DNAH11: variants seen among roughly 807,000 people sequenced by gnomAD.
DNAH11 encodes the protein dynein axonemal heavy chain 11.
Under a neutral mutation model 526.0 loss-of-function variants are expected in DNAH11, and 442 were observed. The ratio of observed to expected loss-of-function variants is 0.84; its 90% CI spans 0.78 to 0.91. The LOEUF is 0.91. Among genes scored for constraint, DNAH11 ranks in the 40% least tolerant of loss-of-function variants. DNAH11 has a pLI of 0.00. For synonymous variants in DNAH11, 2,461 were observed against 1,935.9 expected, an observed-to-expected ratio of 1.27 and a Z score of -7.12; for missense variants, 6,989 against 5,448.7, an observed-to-expected ratio of 1.28 and a Z score of -8.90.
chr7:21,899,993 G>T lies in DNAH11; in HGVS notation c.13176G>T (p.Thr4392=), dbSNP rs79449551. The T allele has an allele frequency of 1.2e-6, 2 of 1,613,794 alleles. No homozygotes were observed. Among genetic ancestry groups the T allele is most frequent in the South Asian group, 1.1e-5 (1 of 91,064 alleles). Residue 4392 remains threonine (T), a synonymous_variant, in exon 81 of 82, where the codon ACG becomes ACT. Coordinates refer to ENST00000409508, the MANE Select transcript of DNAH11 (RefSeq NM_001277115.2). ...ATATTTCCAAAGCAATCATGCAGAC[G>T]ATGGCTCGAAAAAATGAGTGGCCCC... The part of the protein sequence containing the change: ...PQSFLTAIMQ[T]MARKNEWPLD...
At chr7:21,879,466 CAAAAA>C (rs942342745) in intron 74 of DNAH11, among the ~76,000 whole-genome samples, 5 of 146,444 alleles carry the variant, frequency 3.4e-5, no homozygotes, top group African/African-American at 1.3e-4. Flanking sequence ...AACAAATAAA[CAAAAA>C]AAAAACCTCA....
chr7:21,725,441 A>G (rs991896882), intron 44 of DNAH11, among the ~76,000 whole-genome samples: 32 of 152,358 alleles, frequency 2.1e-4, no homozygotes, highest in African/African-American at 6.3e-4. Context: ...CTATAAGCTC[A>G]GAACAAAGGA....
At chr7:21,788,458 GC>G (rs1788287731) in intron 60 of DNAH11, among the ~76,000 whole-genome samples, 1 of 151,832 alleles carries the variant, frequency 6.6e-6, no homozygotes, top group Admixed American at 6.6e-5. Flanking sequence ...AAATGTCTCA[GC>G]CCCGTCTTCT....
At position 21,837,227 on chromosome 7, in the gene DNAH11, C is replaced by G. The variant is rs780011893; in HGVS notation, c.10692-5317C>G. On this transcript the variant is annotated intron_variant, in intron 65 of 81. Transcript: ENST00000409508. ...AGAACTACCGTATGATCCAGCAGTT[C>G]TACTATGATGTATCAAAAGGAAATG... Among the ~76,000 whole-genome samples the G allele has an allele frequency of 2.3e-4, 35 of 152,090 alleles. 1 individual carries two copies. The highest frequency in any genetic ancestry group is 7.4e-5 in the Non-Finnish European group (5 of 67,982).
intron 20 of DNAH11, among the ~76,000 whole-genome samples, chr7:21,611,143 C>T (rs961933501): frequency 1.3e-5 from 2 of 152,024 alleles, no homozygotes; most frequent in African/African-American, 4.8e-5. Context: ...GGCTGGGGGC[C>T]CAGATAGAAG....
intron 20 of DNAH11, among the ~76,000 whole-genome samples, chr7:21,609,139 A>T (rs903089686): frequency 1.3e-5 from 2 of 152,198 alleles, no homozygotes; most frequent in Admixed American, 1.3e-4. Flanking sequence ...ACAGCCAAAG[A>T]TATAGTAACT....
rs117800253 is a variant in DNAH11, at chr7:21,882,913, A to G, written c.12388-1378A>G. Reference sequence around the variant, plus strand: ...CTAGTTAAATAAAAATTAAAAAGAGATACATATTGAATACTGAAATGTGTT... The same window carrying G: ...CTAGTTAAATAAAAATTAAAAAGAGGTACATATTGAATACTGAAATGTGTT... On this transcript the variant is annotated intron_variant, in intron 75 of 81. Coordinates refer to ENST00000409508, the MANE Select transcript of DNAH11 (RefSeq NM_001277115.2). 1.7e-3 allele frequency among the ~76,000 whole-genome samples: 259 copies of G among 152,338 alleles called. 2 individuals carry two copies. The East Asian group carries it at 0.032, about 19-fold the overall frequency.
intron 28 of DNAH11, among the ~76,000 whole-genome samples, chr7:21,646,508 G>A (rs1787361869): frequency 1.3e-5 from 2 of 152,116 alleles, no homozygotes; most frequent in African/African-American, 4.8e-5. Flanking sequence ...ATACTTTGCA[G>A]AACTGAGTAC....
chr7:21,720,666 C>G (rs1054381348), intron 43 of DNAH11, 59 bp from the exon 44 acceptor site: 1 of 1,484,944 alleles, frequency 6.7e-7, no homozygotes, highest in Non-Finnish European at 9.0e-7. Flanking sequence ...TAAAAATATT[C>G]TTTGAACTTC....
Position 21,748,730 on chromosome 7 carries a change from C to T in DNAH11, c.8661C>T (p.Ile2887=), listed in dbSNP as rs1050480119. The T allele has an allele frequency of 6.2e-7, 1 of 1,613,028 alleles. No homozygotes were observed. ...FQITLTEGYG[I]QELRVDLANL... ...TCACTCTGACCGAGGGCTATGGAAT[C>T]CAGGAACTTCGGGTGAGTCAAGGGG... The change falls in exon 52 of 82, where the codon ATC becomes ATT. Residue 2887 remains isoleucine (I), a synonymous_variant. Coordinates refer to ENST00000409508, the MANE Select transcript of DNAH11 (RefSeq NM_001277115.2).
chr7:21,733,447 C>T (rs1011910866), intron 45 of DNAH11, among the ~76,000 whole-genome samples: 3 of 152,168 alleles, frequency 2.0e-5, no homozygotes, highest in South Asian at 2.1e-4. Context: ...GCTCCCTCCA[C>T]TTTATGTATT....
In DNAH11 at chr7:21,806,735, T is replaced by C. The variant is rs528447586; in HGVS notation, c.10166-1148T>C. Among the ~76,000 whole-genome samples the C allele has an allele frequency of 3.9e-5, 6 of 152,340 alleles. No homozygotes were observed. The South Asian group carries it at 6.2e-4, about 16-fold the overall frequency. On this transcript the variant is annotated intron_variant, in intron 62 of 81. Coordinates refer to ENST00000409508, the MANE Select transcript of DNAH11 (RefSeq NM_001277115.2). ...TCTTAAAATGTATTTTTAGCGTACA[T>C]TGAAACAAAATAAATTAGTGAACTA... is the stretch of plus-strand genomic sequence containing the variant.
At chr7:21,571,609 A>C (rs1783892004) in intron 7 of DNAH11, among the ~76,000 whole-genome samples, 197 bp from the exon 8 acceptor site, 1 of 152,148 alleles carries the variant, frequency 6.6e-6, no homozygotes, top group Non-Finnish European at 1.5e-5. Context: ...AAACATGAAA[A>C]TGGGAGAGTA....
chr7:21,576,410 A>C (rs1784095690), intron 8 of DNAH11, among the ~76,000 whole-genome samples: 3 of 152,198 alleles, frequency 2.0e-5, no homozygotes, highest in African/African-American at 7.2e-5. Flanking sequence ...GAGAGGAGAT[A>C]AAAGGAAGCC....
intron 14 of DNAH11, among the ~76,000 whole-genome samples, chr7:21,594,453 A>G (rs1171406594): frequency 6.6e-6 from 1 of 152,198 alleles, no homozygotes; most frequent in Admixed American, 6.5e-5. Flanking sequence ...GGAGAGAGAC[A>G]ATAAGCAGTG....
chr7:21,891,575 T>A (rs1784327160), intron 76 of DNAH11, among the ~76,000 whole-genome samples: 1 of 152,218 alleles, frequency 6.6e-6, no homozygotes, highest in Non-Finnish European at 1.5e-5. Flanking sequence ...AAGTTCTACA[T>A]TCTAATGTTT....
chr7:21,895,638 T>A (rs1435930245), intron 79 of DNAH11, among the ~76,000 whole-genome samples: 1 of 152,254 alleles, frequency 6.6e-6, no homozygotes, highest in East Asian at 1.9e-4. Flanking sequence ...TTCCCCCTGC[T>A]TTCCTGAATC....
At position 21,698,063 on chromosome 7, in the gene DNAH11, T is replaced by C. The variant is rs764234591; in HGVS notation, c.6042-12T>C. 1.2e-5 allele frequency: 19 copies of C among 1,598,674 alleles called. 1 individual carries two copies. The highest frequency in any genetic ancestry group is 7.1e-5 in the Admixed American group (4 of 56,170). On this transcript the variant is annotated splice_polypyrimidine_tract_variant and intron_variant, in intron 35 of 81. Coordinates refer to ENST00000409508, the MANE Select transcript of DNAH11 (RefSeq NM_001277115.2). ...TCACATTTTAAAACTAAAATTCTTA[T>C]TTACTTTTTAGACCCTGTGCCATGG...
chr7:21,550,818 C>T (rs1010424103), intron 2 of DNAH11, among the ~76,000 whole-genome samples: 31 of 152,142 alleles, frequency 2.0e-4, no homozygotes, highest in Admixed American at 1.8e-3. Context: ...GGAAAGGCTT[C>T]CACCCAGCCA....
Sources: allele counts gnomAD v4.1 joint callset (sites outside exome capture counted in the v4.1 genomes callset), GRCh38; gene constraint gnomAD v4.1.1; transcripts MANE v1.5; gene names NCBI Gene and HGNC (gene_info 2026-07-23, HGNC 2026-07-21).